The following ATP6V1E2 variants were observed in gnomAD, a reference collection of about 807,000 sequenced individuals.
ATP6V1E2 encodes the protein V-type proton ATPase subunit E 2.
For missense variants in ATP6V1E2, 308 were observed against 273.3 expected, an observed-to-expected ratio of 1.13 and a Z score of -0.90; for synonymous variants, 121 against 104.2, an observed-to-expected ratio of 1.16 and a Z score of -0.98.
At chr2:46,529,359 C>A (rs1667072024) in intron 4 of ATP6V1E2, among the ~76,000 whole-genome samples, 1 of 152,252 alleles carries the variant, frequency 6.6e-6, no homozygotes, top group African/African-American at 2.4e-5. Context: ...CCTCACCATG[C>A]CTAGGGGCTT....
intron 4 of ATP6V1E2, among the ~76,000 whole-genome samples, chr2:46,525,132 C>T (rs946387944): frequency 5.3e-5 from 8 of 152,190 alleles, no homozygotes; most frequent in African/African-American, 1.2e-4. Flanking sequence ...GACTCAGCCT[C>T]TGGCTACACA....
intron 2 of ATP6V1E2, among the ~76,000 whole-genome samples, 159 bp downstream of exon 2, chr2:46,541,231 C>G (rs2103961283): frequency 6.6e-6 from 1 of 152,330 alleles, no homozygotes; most frequent in Non-Finnish European, 1.5e-5. Flanking sequence ...CCTTAAGGCA[C>G]TTTTCTGCCT....
intron 4 of ATP6V1E2, among the ~76,000 whole-genome samples, chr2:46,517,255 T>C (rs181022318): frequency 1.1e-3 from 173 of 152,274 alleles, no homozygotes; most frequent in Admixed American, 2.3e-3. Context: ...CTTCAATAAA[T>C]GGTGTTGGGA....
At chr2:46,539,699 C>A (rs1320594800) in intron 2 of ATP6V1E2, among the ~76,000 whole-genome samples, 11 of 152,250 alleles carry the variant, frequency 7.2e-5, no homozygotes, top group Non-Finnish European at 1.5e-5. Flanking sequence ...ACCTTACATG[C>A]CTCACCATTC....
chr2:46,512,568 G>T lies in ATP6V1E2; in HGVS notation c.144C>A (p.Thr48=), dbSNP rs1172212982. The T allele has an allele frequency of 1.2e-6, 2 of 1,614,124 alleles. No homozygotes were observed. The highest frequency in any genetic ancestry group is 1.7e-6 in the Non-Finnish European group (2 of 1,180,024). The change falls in exon 5 of 5, where the codon ACC becomes ACA. Residue 48 remains threonine, a synonymous_variant. Coordinates refer to ENST00000522587, the MANE Select transcript of ATP6V1E2 (RefSeq NM_001318063.2). ...FNIEKGRLVQ[T]QRLKIMEYYE... Reference sequence around the variant, plus strand: ...AATACTCCATAATCTTCAGTCGTTGGGTTTGCACGAGGCGTCCTTTCTCAA... The same window carrying T: ...AATACTCCATAATCTTCAGTCGTTGTGTTTGCACGAGGCGTCCTTTCTCAA...
At chr2:46,525,477 G>GAAAAAA (rs541025098) in intron 4 of ATP6V1E2, among the ~76,000 whole-genome samples, 4 of 126,516 alleles carry the variant, frequency 3.2e-5, no homozygotes, top group Non-Finnish European at 4.8e-5. Context: ...AAAAAAAAAA[G>GAAAAAA]AAAAAAAAAA....
intron 4 of ATP6V1E2, among the ~76,000 whole-genome samples, chr2:46,514,422 G>C (rs1331280188): frequency 6.6e-6 from 1 of 152,114 alleles, no homozygotes; most frequent in African/African-American, 2.4e-5. Context: ...TGCTCAACAA[G>C]CCCAGGAAAA....
rs145918859 is a variant in ATP6V1E2 at position 46,518,430 on chromosome 2, C to T, written c.-101-5618G>A. On this transcript the variant is annotated intron_variant, in intron 4 of 4. Transcript: ENST00000522587. ...GTTCTAGAGACCTGCTGTACAGTAA[C>T]GTACATACAGTTAACAGTACTGTAC... 1.6e-3 allele frequency among the ~76,000 whole-genome samples: 247 copies of T among 150,916 alleles called. 1 individual carries two copies. The highest frequency in any genetic ancestry group is 5.8e-3 in the African/African-American group (239 of 41,146).
At chr2:46,512,849 G>C in intron 4 of ATP6V1E2, 37 bp from the exon 5 acceptor site, 1 of 719,172 alleles carries the variant, frequency 1.4e-6, no homozygotes, top group South Asian at 1.9e-5. Context: ...GAGAAAGTCA[G>C]AGGCTATAGA....
At chr2:46,533,097 ATAT>A (rs1667260653) in intron 4 of ATP6V1E2, among the ~76,000 whole-genome samples, 1 of 148,522 alleles carries the variant, frequency 6.7e-6, no homozygotes, top group African/African-American at 2.5e-5. Context: ...CTAACATTAT[ATAT>A]CTAACATTAT....
intron 4 of ATP6V1E2, among the ~76,000 whole-genome samples, chr2:46,515,827 A>C (rs1687687747): frequency 6.6e-6 from 1 of 152,224 alleles, no homozygotes; most frequent in Non-Finnish European, 1.5e-5. Context: ...CTGAGGGTGA[A>C]AGGATGGAAA....
chr2:46,513,160 G>C (rs1470883979), intron 4 of ATP6V1E2, among the ~76,000 whole-genome samples: 1 of 152,112 alleles, frequency 6.6e-6, no homozygotes, highest in African/African-American at 2.4e-5. Flanking sequence ...TTTGGGGTCA[G>C]GAGGGTTGGG....
Position 46,532,916 on chromosome 2 carries a change from C to T in ATP6V1E2, c.-102+2897G>A, listed in dbSNP as rs970481754. Among the ~76,000 whole-genome samples the T allele has an allele frequency of 1.2e-4, 18 of 151,988 alleles. 1 individual carries two copies. The highest frequency in any genetic ancestry group is 9.8e-4 in the Admixed American group (15 of 15,274). On this transcript the variant is annotated intron_variant, in intron 4 of 4. Transcript: ENST00000522587. The stretch of plus-strand genomic sequence containing the variant: ...TCAGATAACACTATATCATTTAATG[C>T]GCAATGTAAGGATTTTATAAGAATA...
At chr2:46,523,149 G>T (rs1666725941) in intron 4 of ATP6V1E2, among the ~76,000 whole-genome samples, 1 of 152,074 alleles carries the variant, frequency 6.6e-6, no homozygotes, top group South Asian at 2.1e-4. Context: ...TTTGTCAGGT[G>T]AGTAGATTGA....
chr2:46,513,936 T>A (rs1329004099), intron 4 of ATP6V1E2, among the ~76,000 whole-genome samples: 1 of 152,198 alleles, frequency 6.6e-6, no homozygotes, highest in African/African-American at 2.4e-5. Context: ...GTCTTTTTAC[T>A]AGAAGTGGTT....
chr2:46,529,428 C>T (rs1334117736), intron 4 of ATP6V1E2, among the ~76,000 whole-genome samples: 1 of 152,348 alleles, frequency 6.6e-6, no homozygotes, highest in South Asian at 2.1e-4. Flanking sequence ...TCATCTCAAC[C>T]CTGCCCACAG....
chr2:46,538,048 C>T (rs1344166354), intron 2 of ATP6V1E2, among the ~76,000 whole-genome samples: 2 of 152,132 alleles, frequency 1.3e-5, no homozygotes, highest in Non-Finnish European at 2.9e-5. Flanking sequence ...TCTCTCTCGC[C>T]TCCTCTGTCA....
At chr2:46,528,381 C>T (rs1178843272) in intron 4 of ATP6V1E2, among the ~76,000 whole-genome samples, 1 of 152,200 alleles carries the variant, frequency 6.6e-6, no homozygotes, top group Non-Finnish European at 1.5e-5. Flanking sequence ...AAGTATTCAC[C>T]CCCCAAAATA....
intron 4 of ATP6V1E2, among the ~76,000 whole-genome samples, chr2:46,533,418 G>A (rs1572717076): frequency 6.6e-6 from 1 of 151,910 alleles, no homozygotes; most frequent in Non-Finnish European, 1.5e-5. Context: ...GACTATAGGA[G>A]TGTGCCACCA....
Sources: allele counts gnomAD v4.1 joint callset (sites outside exome capture counted in the v4.1 genomes callset), GRCh38; gene constraint gnomAD v4.1.1; transcripts MANE v1.5; gene names NCBI Gene and HGNC (gene_info 2026-07-23, HGNC 2026-07-21).